Variants in CCDC7 observed in about 807,000 individuals in gnomAD.
The protein encoded by CCDC7 is coiled-coil domain containing 7.
CCDC7 carries 183 observed loss-of-function variants against 196.9 expected under a neutral mutation model. The observed-to-expected ratio is 0.93, with a 90% CI of 0.82 to 1.05. The LOEUF (loss-of-function observed/expected upper bound fraction) is 1.05, where lower values mean the gene tolerates loss of function less well. CCDC7 is among the 50% of genes least tolerant of loss of function. CCDC7 has a pLI of 0.00. For missense variants in CCDC7, 1,540 were observed against 1,482.2 expected, an observed-to-expected ratio of 1.04 and a Z score of -0.64; for synonymous variants, 525 against 484.6, an observed-to-expected ratio of 1.08 and a Z score of -1.10.
chr10:32,583,381 A>C, intron 17 of CCDC7, 74 bp downstream of exon 18: 7 of 981,678 alleles, frequency 7.1e-6, no homozygotes, highest in Non-Finnish European at 9.2e-6. Context: ...TAACCCATTT[A>C]AATGGGTTAA....
chr10:32,639,917 A>G (rs914283838), intron 20 of CCDC7, among the ~76,000 whole-genome samples: 6 of 152,050 alleles, frequency 3.9e-5, no homozygotes, highest in African/African-American at 1.2e-4. Flanking sequence ...GCACCCGACC[A>G]ATTTCTGTTG....
chr10:32,484,745 A>T (rs1051875845), intron 8 of CCDC7, among the ~76,000 whole-genome samples: 4 of 152,124 alleles, frequency 2.6e-5, no homozygotes, highest in African/African-American at 9.7e-5. Flanking sequence ...TTCTGCATCT[A>T]TTGAGATAAT....
At chr10:32,726,560 T>C (rs2083155758) in intron 25 of CCDC7, among the ~76,000 whole-genome samples, 174 bp from the exon 27 acceptor site, 1 of 152,122 alleles carries the variant, frequency 6.6e-6, no homozygotes, top group Non-Finnish European at 1.5e-5. Context: ...ATTAAAACTA[T>C]TTTCATCATT....
intron 11 of CCDC7, among the ~76,000 whole-genome samples, chr10:32,531,756 A>G (rs561398200): frequency 3.3e-5 from 5 of 152,200 alleles, no homozygotes; most frequent in South Asian, 2.1e-4. Context: ...GATGTTTTCT[A>G]TTTCTCCATG....
At chr10:32,799,572 AG>A (rs2084354763) in intron 29 of CCDC7, among the ~76,000 whole-genome samples, 1 of 152,328 alleles carries the variant, frequency 6.6e-6, no homozygotes, top group Admixed American at 6.5e-5. Flanking sequence ...TCTTGGTTGT[AG>A]GAGGGGCCAA....
intron 29 of CCDC7, among the ~76,000 whole-genome samples, chr10:32,796,680 C>CTTTG (rs2083608139): frequency 6.6e-6 from 1 of 152,148 alleles, no homozygotes; most frequent in African/African-American, 2.4e-5. Context: ...ATCAGAGGAC[C>CTTTG]TTTGCACTTG....
intron 11 of CCDC7, among the ~76,000 whole-genome samples, chr10:32,535,189 G>A (rs1320283788): frequency 6.6e-6 from 1 of 151,720 alleles, no homozygotes; most frequent in Non-Finnish European, 1.5e-5. Flanking sequence ...GGTTGTTGCT[G>A]GTGAAAATCT....
chr10:32,776,086 T>A (rs955631171), intron 28 of CCDC7, among the ~76,000 whole-genome samples: 1 of 143,598 alleles, frequency 7.0e-6, no homozygotes, highest in Non-Finnish European at 1.5e-5. Flanking sequence ...AACAATGAGA[T>A]CACATGGACA....
At chr10:32,776,136 T>G (rs1328034903) in intron 28 of CCDC7, among the ~76,000 whole-genome samples, 34 of 140,112 alleles carry the variant, frequency 2.4e-4, no homozygotes, top group East Asian at 4.2e-4. Flanking sequence ...TGTGGTGGGG[T>G]GGGGGAATGG....
intron 9 of CCDC7, among the ~76,000 whole-genome samples, chr10:32,496,254 C>T (rs911061817): frequency 2.6e-5 from 4 of 152,120 alleles, no homozygotes; most frequent in Non-Finnish European, 5.9e-5. Context: ...TGAGACTTTG[C>T]TGAAATTGCT....
At chr10:32,805,358 T>G (rs555288050) in intron 30 of CCDC7, among the ~76,000 whole-genome samples, 171 of 152,328 alleles carry the variant, frequency 1.1e-3, no homozygotes, top group African/African-American at 4.0e-3. Flanking sequence ...AGAATATACT[T>G]GGGACAAGTA....
At chr10:32,787,534 T>C (rs191599604) in intron 29 of CCDC7, among the ~76,000 whole-genome samples, 142 of 152,260 alleles carry the variant, frequency 9.3e-4, no homozygotes, top group Non-Finnish European at 1.8e-3. Context: ...GGCAGCACAG[T>C]GTGGAGAGAG....
intron 18 of CCDC7, among the ~76,000 whole-genome samples, chr10:32,597,750 C>T (rs995668250): frequency 3.9e-5 from 6 of 152,180 alleles, no homozygotes; most frequent in Admixed American, 2.0e-4. Flanking sequence ...CAGTCAGGAC[C>T]GTCAGCTGCC....
intron 18 of CCDC7, among the ~76,000 whole-genome samples, chr10:32,597,036 G>C (rs1028166624): frequency 1.3e-5 from 2 of 152,078 alleles, no homozygotes; most frequent in Non-Finnish European, 2.9e-5. Flanking sequence ...TATCTTTGTG[G>C]CGTTCTCTGT....
intron 8 of CCDC7, among the ~76,000 whole-genome samples, chr10:32,477,255 G>C (rs2039150490): frequency 6.6e-6 from 1 of 151,300 alleles, no homozygotes; most frequent in Admixed American, 6.6e-5. Context: ...TGTCGCTGGA[G>C]TACAATGGTG....
At chr10:32,772,506 G>T (rs2079328177) in intron 28 of CCDC7, among the ~76,000 whole-genome samples, 4 of 152,234 alleles carry the variant, frequency 2.6e-5, no homozygotes, top group Admixed American at 2.6e-4. Flanking sequence ...CAGGACTCCT[G>T]TACTCAAAGT....
chr10:32,645,594 A>G (rs2140018536), intron 20 of CCDC7, among the ~76,000 whole-genome samples: 1 of 141,868 alleles, frequency 7.0e-6, no homozygotes, highest in Middle Eastern at 4.2e-3. Context: ...TTTTTGGGAT[A>G]GTTTGAATAG....
chr10:32,753,622 C>T (rs967094829), intron 28 of CCDC7, among the ~76,000 whole-genome samples: 2 of 152,244 alleles, frequency 1.3e-5, no homozygotes, highest in Admixed American at 1.3e-4. Context: ...AAGAATCTGA[C>T]TATATTTGGC....
At chr10:32,774,272 T>C (rs1253398354) in intron 28 of CCDC7, among the ~76,000 whole-genome samples, 4 of 151,988 alleles carry the variant, frequency 2.6e-5, no homozygotes, top group Non-Finnish European at 5.9e-5. Context: ...TGCCAGTCGA[T>C]GCAATTAGAA....
Sources: allele counts gnomAD v4.1 joint callset (sites outside exome capture counted in the v4.1 genomes callset), GRCh38; gene constraint gnomAD v4.1.1; transcripts MANE v1.5; gene names NCBI Gene and HGNC (gene_info 2026-07-23, HGNC 2026-07-21).